The following FHOD3 variants were observed in gnomAD, a reference collection of about 807,000 sequenced individuals.
FHOD3 encodes formin homology 2 domain containing 3, also known as FH1/FH2 domain-containing protein 3.
In FHOD3, 90 loss-of-function variants were observed where a neutral mutation model predicts 173.0. The ratio of observed to expected loss-of-function variants is 0.52; its 90% CI spans 0.44 to 0.62. The LOEUF (loss-of-function observed/expected upper bound fraction) is 0.62, where lower values mean the gene tolerates loss of function less well. FHOD3 is among the 20% of genes least tolerant of loss of function. The pLI is 0.00. For missense variants in FHOD3, 1,945 were observed against 2,034.7 expected, an observed-to-expected ratio of 0.96 and a Z score of 0.85; for synonymous variants, 828 against 823.0, an observed-to-expected ratio of 1.01 and a Z score of -0.10.
intron 8 of FHOD3, among the ~76,000 whole-genome samples, chr18:36,604,676 T>C (rs2031860976): frequency 6.6e-6 from 1 of 152,086 alleles, no homozygotes; most frequent in South Asian, 2.1e-4. Flanking sequence ...GAGAGAGAGA[T>C]GAAGACTAAT....
intron 1 of FHOD3, among the ~76,000 whole-genome samples, chr18:36,315,959 G>A (rs904460719): frequency 4.6e-5 from 7 of 152,094 alleles, no homozygotes; most frequent in Non-Finnish European, 7.4e-5. Flanking sequence ...TGCACGCACC[G>A]TTCTGTGGCT....
At chr18:36,547,042 C>T (rs1004044490) in intron 5 of FHOD3, among the ~76,000 whole-genome samples, 1 of 152,186 alleles carries the variant, frequency 6.6e-6, no homozygotes, top group Non-Finnish European at 1.5e-5. Context: ...GGAGTTGGCT[C>T]CATCTGCCCT....
intron 3 of FHOD3, among the ~76,000 whole-genome samples, chr18:36,414,029 G>A (rs915016202): frequency 6.6e-6 from 1 of 152,112 alleles, no homozygotes; most frequent in Non-Finnish European, 1.5e-5. Context: ...ATAGAAGCAA[G>A]GTTTACAGAA....
At chr18:36,512,687 C>G in intron 5 of FHOD3, 144 bp downstream of exon 5, 1 of 573,730 alleles carries the variant, frequency 1.7e-6, no homozygotes, top group South Asian at 2.0e-5. Flanking sequence ...AAAAAAACAT[C>G]TGCCATAGGT....
intron 3 of FHOD3, among the ~76,000 whole-genome samples, chr18:36,458,103 C>A (rs2052325874): frequency 6.6e-6 from 1 of 152,096 alleles, no homozygotes. Context: ...TCCCACCCAC[C>A]TATATCAGAA....
intron 19 of FHOD3, among the ~76,000 whole-genome samples, chr18:36,729,421 C>T (rs1285506343): frequency 6.6e-6 from 1 of 152,196 alleles, no homozygotes; most frequent in Non-Finnish European, 1.5e-5. Context: ...TGACTCATCA[C>T]CCCACAGACA....
chr18:36,505,568 G>A (rs565016180), intron 4 of FHOD3, among the ~76,000 whole-genome samples: 11 of 152,280 alleles, frequency 7.2e-5, no homozygotes, highest in African/African-American at 2.4e-4. Context: ...AACTGAAAAT[G>A]GAAGGGAGCT....
At chr18:36,607,510 C>T (rs1179816330) in intron 8 of FHOD3, among the ~76,000 whole-genome samples, 1 of 152,128 alleles carries the variant, frequency 6.6e-6, no homozygotes, top group African/African-American at 2.4e-5. Context: ...ACGCTGGCTC[C>T]CTTCTATCCA....
In FHOD3 at chr18:36,693,407, C is replaced by A; in HGVS notation, c.2220C>A (p.Thr740=). ...ALTVSASSPG[T]PHHPQASAGD... is the part of the protein sequence containing the mutation. Reference sequence around the variant, plus strand: ...CGGTGTCTGCCTCCTCCCCAGGAACCCCTCACCATCCCCAAGGTGAGTACA... The same window carrying A: ...CGGTGTCTGCCTCCTCCCCAGGAACACCTCACCATCCCCAAGGTGAGTACA... Residue 740 remains threonine, a synonymous_variant, in exon 17 of 29, where the codon ACC becomes ACA. Transcript: ENST00000590592. 1 of 1,613,698 alleles carries A rather than the reference C, an allele frequency of 6.2e-7. No individual in the cohort carries two copies. Among genetic ancestry groups the A allele is most frequent in the Non-Finnish European group, 8.5e-7 (1 of 1,179,776 alleles).
At chr18:36,660,872 CCTT>C (rs1379181057) in intron 14 of FHOD3, among the ~76,000 whole-genome samples, 1 of 152,220 alleles carries the variant, frequency 6.6e-6, no homozygotes, top group Non-Finnish European at 1.5e-5. Flanking sequence ...AAGTTCCTTT[CCTT>C]CTTACAGTAC....
intron 3 of FHOD3, among the ~76,000 whole-genome samples, chr18:36,400,074 A>G (rs2048733991): frequency 1.3e-5 from 2 of 152,192 alleles, no homozygotes; most frequent in South Asian, 4.1e-4. Context: ...TCAGCTCCCC[A>G]TGCATCTTTC....
chr18:36,542,879 G>C (rs1874383), intron 5 of FHOD3, among the ~76,000 whole-genome samples: 1 of 152,172 alleles, frequency 6.6e-6, no homozygotes, highest in South Asian at 2.1e-4. Flanking sequence ...TTAGCTCCCT[G>C]TGAGGGTCAT....
At chr18:36,371,708 G>A (rs369859615) in intron 2 of FHOD3, among the ~76,000 whole-genome samples, 9 of 152,154 alleles carry the variant, frequency 5.9e-5, no homozygotes, top group Non-Finnish European at 1.2e-4. Flanking sequence ...TATTAGTAGC[G>A]TGCCTTGGTG....
intron 1 of FHOD3, among the ~76,000 whole-genome samples, chr18:36,302,388 C>T (rs1274274381): frequency 3.3e-5 from 5 of 152,126 alleles, no homozygotes; most frequent in Non-Finnish European, 5.9e-5. Flanking sequence ...GTGCTGCCAC[C>T]GCCCCTCCCC....
chr18:36,583,953 G>A (rs2058941987), intron 6 of FHOD3, among the ~76,000 whole-genome samples: 1 of 152,082 alleles, frequency 6.6e-6, no homozygotes, highest in African/African-American at 2.4e-5. Flanking sequence ...AGCCTCCTGA[G>A]TAGCTGGGAC....
At chr18:36,642,817 C>G (rs2035424654) in intron 10 of FHOD3, among the ~76,000 whole-genome samples, 1 of 152,092 alleles carries the variant, frequency 6.6e-6, no homozygotes, top group Non-Finnish European at 1.5e-5. Context: ...TCTCCCATCC[C>G]TAGGCCTGGG....
At chr18:36,450,813 A>C (rs1019103652) in intron 3 of FHOD3, among the ~76,000 whole-genome samples, 1 of 152,142 alleles carries the variant, frequency 6.6e-6, no homozygotes, top group Non-Finnish European at 1.5e-5. Flanking sequence ...ACAAACAAAC[A>C]AAAAACCAAA....
chr18:36,534,564 T>A (rs527285119), intron 5 of FHOD3, among the ~76,000 whole-genome samples: 1 of 152,320 alleles, frequency 6.6e-6, no homozygotes, highest in Admixed American at 6.5e-5. Flanking sequence ...TGGAGTGCAG[T>A]GTTGCGATCT....
intron 5 of FHOD3, among the ~76,000 whole-genome samples, chr18:36,571,046 G>A (rs929817328): frequency 1.3e-5 from 2 of 152,116 alleles, no homozygotes; most frequent in Non-Finnish European, 2.9e-5. Context: ...GAGGGATATA[G>A]ATTGGGAAGG....
Sources: allele counts gnomAD v4.1 joint callset (sites outside exome capture counted in the v4.1 genomes callset), GRCh38; gene constraint gnomAD v4.1.1; transcripts MANE v1.5; gene names NCBI Gene and HGNC (gene_info 2026-07-23, HGNC 2026-07-21).